Variants in FRMPD3 observed in about 807,000 individuals in gnomAD.
FRMPD3 encodes FERM and PDZ domain containing 3, also known as FERM and PDZ domain-containing protein 3.
FRMPD3 carries 42 observed loss-of-function variants against 97.9 expected under a neutral mutation model. The ratio of observed to expected loss-of-function variants is 0.43; its 90% confidence interval spans 0.34 to 0.55. The LOEUF is 0.55. Ranked by LOEUF, FRMPD3 falls within the 20% of genes least tolerant of loss-of-function variation. The pLI, the probability that FRMPD3 is intolerant of heterozygous loss-of-function variation, is 0.03. For synonymous variants in FRMPD3, 577 were observed against 581.1 expected (o/e 0.99, Z 0.10); for missense variants, 1,303 against 1,457.7 (o/e 0.89, Z 1.73).
chrX:107,515,366 C>T (rs973998227), intron 1 of FRMPD3, among the ~76,000 whole-genome samples: 11 of 111,218 alleles, frequency 9.9e-5, no homozygotes, highest in South Asian at 3.9e-4. Context: ...GAGAATGTTT[C>T]GGCAAGGATG....
chrX:107,521,267 T>C (rs770447054), intron 1 of FRMPD3, among the ~76,000 whole-genome samples: 2 of 112,389 alleles, frequency 1.8e-5, no homozygotes, highest in Non-Finnish European at 3.8e-5. Context: ...CCCAGTGGAA[T>C]AAAAGCACCT....
intron 1 of FRMPD3, among the ~76,000 whole-genome samples, chrX:107,480,697 C>T (rs1409712875): frequency 4.7e-5 from 5 of 107,081 alleles, no homozygotes; most frequent in South Asian, 4.1e-4. Flanking sequence ...GATGTGGTGG[C>T]GGGTGCCTAT....
chrX:107,543,414 A>G (rs1433830630), intron 4 of FRMPD3, among the ~76,000 whole-genome samples: 2 of 111,240 alleles, frequency 1.8e-5, no homozygotes, highest in Non-Finnish European at 3.8e-5. Context: ...GTTTCTGCCC[A>G]GAAGCCTTTC....
At chrX:107,452,151 G>A (rs952126988) in intron 1 of FRMPD3, among the ~76,000 whole-genome samples, 11 of 111,900 alleles carry the variant, frequency 9.8e-5, no homozygotes, top group African/African-American at 3.6e-4. Flanking sequence ...AGGCACCTGT[G>A]GCAGGACTCA....
chrX:107,529,153 G>A (rs912566965), intron 2 of FRMPD3, among the ~76,000 whole-genome samples: 2 of 112,071 alleles, frequency 1.8e-5, no homozygotes, highest in Non-Finnish European at 3.8e-5. Context: ...CCAAGTCTCT[G>A]AGAAGCTTTT....
chrX:107,465,232 G>A (rs1931537687), intron 1 of FRMPD3, among the ~76,000 whole-genome samples: 1 of 111,556 alleles, frequency 9.0e-6, no homozygotes, highest in Non-Finnish European at 1.9e-5. Flanking sequence ...AGCACTTTGG[G>A]AGGTCAAGGC....
intron 1 of FRMPD3, among the ~76,000 whole-genome samples, chrX:107,507,490 T>TA (rs1220578386): frequency 9.0e-6 from 1 of 110,885 alleles, no homozygotes; most frequent in Non-Finnish European, 1.9e-5. Flanking sequence ...TCCCCGCCGT[T>TA]ACGCTTCGGA....
At chrX:107,595,382 G>C (rs1924119272) in intron 13 of FRMPD3, among the ~76,000 whole-genome samples, 1 of 110,041 alleles carries the variant, frequency 9.1e-6, no homozygotes, top group Non-Finnish European at 1.9e-5. Context: ...TTCTGTTACT[G>C]ATTTCTAATT....
At chrX:107,501,563 G>A (rs1045361882) in intron 1 of FRMPD3, among the ~76,000 whole-genome samples, 10 of 92,795 alleles carry the variant, frequency 1.1e-4, no homozygotes, top group Non-Finnish European at 1.9e-4. Context: ...TTCTTTTCAG[G>A]CAGTGGTGCT....
In FRMPD3 at chrX:107,597,013, G is replaced by A. The variant is rs779129836; in HGVS notation, c.1442-308G>A. On this transcript the variant is annotated intron_variant, in intron 13 of 14. Transcript: ENST00000683843. ...GGTATCCATGTAAGAGTCCAGCTGT[G>A]CCCAGATACCAGGCCCTAAACCAGG... Among the ~76,000 whole-genome samples, 226 of 111,475 alleles carry A rather than the reference G, an allele frequency of 2.0e-3. 2 individuals are homozygous for A. The highest frequency in any genetic ancestry group is 7.0e-3 in the African/African-American group (215 of 30,703).
intron 1 of FRMPD3, among the ~76,000 whole-genome samples, chrX:107,500,337 A>G (rs1269946887): frequency 1.8e-5 from 2 of 112,183 alleles, no homozygotes; most frequent in African/African-American, 3.2e-5. Context: ...AGATTCTTAT[A>G]TAAAATCTGA....
Position 107,454,769 on chromosome X carries a change from C to G in FRMPD3, c.-8+4764C>G, listed in dbSNP as rs770204107. Among the ~76,000 whole-genome samples the G allele has an allele frequency of 4.1e-3, 460 of 112,045 alleles. 2 individuals are homozygous for G. The highest frequency in any genetic ancestry group is 0.014 in the African/African-American group (425 of 30,860). ...CAAAGTTCTCCTTGTGTGGACCTAA[C>G]CCTGTATATTCTTCCAACCCTATTT... On this transcript the variant is annotated intron_variant, in intron 1 of 14. Transcript: ENST00000683843.
chrX:107,456,047 T>G (rs1380654855), intron 1 of FRMPD3, among the ~76,000 whole-genome samples: 1 of 110,710 alleles, frequency 9.0e-6, no homozygotes, highest in Non-Finnish European at 1.9e-5. Flanking sequence ...AGAGTGGGTA[T>G]AGTGGATGAC....
At chrX:107,571,211 C>T (rs1346621611) in intron 12 of FRMPD3, among the ~76,000 whole-genome samples, 1 of 111,778 alleles carries the variant, frequency 8.9e-6, no homozygotes, top group Non-Finnish European at 1.9e-5. Flanking sequence ...CTTTATTTCT[C>T]TAGTGATCTC....
chrX:107,524,221 T>C (rs992102544), intron 1 of FRMPD3, among the ~76,000 whole-genome samples: 2 of 112,645 alleles, frequency 1.8e-5, no homozygotes, highest in Admixed American at 9.4e-5. Flanking sequence ...AGCTCCTGCC[T>C]GCCACCAGGA....
chrX:107,548,519 G>A (rs771235679), intron 5 of FRMPD3, among the ~76,000 whole-genome samples: 3 of 112,597 alleles, frequency 2.7e-5, no homozygotes, highest in South Asian at 3.7e-4. Context: ...CATTTATTGC[G>A]CACCAAATGT....
chrX:107,481,922 T>C (rs1035585420), intron 1 of FRMPD3, among the ~76,000 whole-genome samples: 1 of 111,310 alleles, frequency 9.0e-6, no homozygotes, highest in African/African-American at 3.3e-5. Context: ...CTAGTTCAAT[T>C]TCCTTCCTAA....
chrX:107,586,756 G>A (rs771404005), intron 13 of FRMPD3, among the ~76,000 whole-genome samples: 1 of 111,979 alleles, frequency 8.9e-6, no homozygotes, highest in Non-Finnish European at 1.9e-5. Context: ...TAATTGTGCA[G>A]TTTTGAGTGA....
At chrX:107,538,540 TAAAAA>T (rs55749241) in intron 4 of FRMPD3, among the ~76,000 whole-genome samples, 3 of 63,762 alleles carry the variant, frequency 4.7e-5, no homozygotes, top group Non-Finnish European at 8.5e-5. Context: ...CTATATTTGT[TAAAAA>T]AAAAAAAAAA....
Sources: allele counts gnomAD v4.1 joint callset (sites outside exome capture counted in the v4.1 genomes callset), GRCh38; gene constraint gnomAD v4.1.1; transcripts MANE v1.5; gene names NCBI Gene and HGNC (gene_info 2026-07-23, HGNC 2026-07-21).